The following GLI2 variants were observed in gnomAD, a reference collection of about 807,000 sequenced individuals.
GLI2 encodes the protein transcription activator GLI2.
Under a neutral mutation model 78.9 loss-of-function variants are expected in GLI2, and 22 were observed. The ratio of observed to expected loss-of-function variants is 0.28; its 90% CI spans 0.20 to 0.40. The LOEUF is 0.40. GLI2 is among the 10% of genes least tolerant of loss of function. The pLI is 1.00. For missense variants in GLI2, 2,097 were observed against 2,213.2 expected (o/e 0.95, Z 1.05); for synonymous variants, 974 against 963.7 (o/e 1.01, Z -0.20).
chr2:120,898,650 A>G (rs1385691657), intron 2 of GLI2, among the ~76,000 whole-genome samples: 2 of 152,194 alleles, frequency 1.3e-5, no homozygotes, highest in Non-Finnish European at 2.9e-5. Context: ...TTGTGGGCAC[A>G]GCGTTTTCGG....
intron 3 of GLI2, among the ~76,000 whole-genome samples, chr2:120,945,519 C>G (rs1323770830): frequency 2.6e-5 from 4 of 152,206 alleles, no homozygotes; most frequent in African/African-American, 9.6e-5. Context: ...GTGCCAGGCC[C>G]AGGATCATTC....
chr2:120,957,332 A>C (rs1180249501), intron 5 of GLI2, among the ~76,000 whole-genome samples: 1 of 152,210 alleles, frequency 6.6e-6, no homozygotes, highest in African/African-American at 2.4e-5. Flanking sequence ...TAGGACATTG[A>C]CGTCCCTCTG....
intron 2 of GLI2, among the ~76,000 whole-genome samples, chr2:120,893,049 G>A (rs1677756735): frequency 6.6e-6 from 1 of 152,198 alleles, no homozygotes; most frequent in Non-Finnish European, 1.5e-5. Context: ...ACCCCTGCCT[G>A]GCAGAGCTCC....
intron 2 of GLI2, among the ~76,000 whole-genome samples, chr2:120,821,460 G>A (rs1369432182): frequency 6.6e-6 from 1 of 152,162 alleles, no homozygotes; most frequent in Non-Finnish European, 1.5e-5. Flanking sequence ...TGAGGAGGGA[G>A]TTTGGTCTCA....
intron 1 of GLI2, among the ~76,000 whole-genome samples, chr2:120,755,694 C>A (rs1683017095): frequency 6.6e-6 from 1 of 151,878 alleles, no homozygotes; most frequent in Admixed American, 6.5e-5. Flanking sequence ...CTTATGTTTT[C>A]TTTTAAGAAG....
At chr2:120,987,925 T>C (rs1266500992) in intron 13 of GLI2, among the ~76,000 whole-genome samples, 11 of 152,198 alleles carry the variant, frequency 7.2e-5, no homozygotes, top group African/African-American at 2.7e-4. Flanking sequence ...TTCCTTCCCC[T>C]TTTTAATTGA....
At chr2:120,905,573 G>A (rs866700003) in intron 2 of GLI2, among the ~76,000 whole-genome samples, 2 of 152,212 alleles carry the variant, frequency 1.3e-5, no homozygotes, top group Admixed American at 6.5e-5. Context: ...CTCAGAGCCT[G>A]GGATGAGTTC....
chr2:120,761,996 G>T (rs1029178365), intron 1 of GLI2, among the ~76,000 whole-genome samples: 6 of 152,206 alleles, frequency 3.9e-5, no homozygotes, highest in Non-Finnish European at 7.3e-5. Flanking sequence ...TCCCAGTGCC[G>T]CTTTGCTTCA....
At chr2:120,914,859 A>G (rs1029065407) in intron 2 of GLI2, among the ~76,000 whole-genome samples, 23 of 152,346 alleles carry the variant, frequency 1.5e-4, no homozygotes, top group African/African-American at 5.3e-4. Flanking sequence ...TGAGTCAGCA[A>G]TCAAGCCAGA....
At chr2:120,859,452 CTTTT>C (rs57311162) in intron 2 of GLI2, among the ~76,000 whole-genome samples, 3 of 125,498 alleles carry the variant, frequency 2.4e-5, no homozygotes, top group African/African-American at 6.3e-5. Context: ...ATACTCCCTC[CTTTT>C]TTTTTTTTTT....
At chr2:120,984,783 C>A in intron 12 of GLI2, 40 bp downstream of exon 12, 1 of 1,604,670 alleles carries the variant, frequency 6.2e-7, no homozygotes, top group Non-Finnish European at 8.5e-7. Flanking sequence ...AAGGCGACTC[C>A]ATAGCCGTGC....
chr2:120,745,878 C>G (rs1682679593), intron 1 of GLI2, among the ~76,000 whole-genome samples: 1 of 152,186 alleles, frequency 6.6e-6, no homozygotes, highest in African/African-American at 2.4e-5. Flanking sequence ...TTCTTCTGCG[C>G]AGGCAGATAT....
At chr2:120,850,176 A>G (rs1439485877) in intron 2 of GLI2, among the ~76,000 whole-genome samples, 1 of 152,234 alleles carries the variant, frequency 6.6e-6, no homozygotes, top group Non-Finnish European at 1.5e-5. Flanking sequence ...AAATCTTCAC[A>G]TTAAAACATC....
intron 3 of GLI2, among the ~76,000 whole-genome samples, chr2:120,933,840 AGCCCTGCCCTGCCCTGCCCT>A (rs56996797): frequency 0.045 from 6,237 of 137,874 alleles, 164 homozygotes; most frequent in African/African-American, 0.085. Context: ...GGACCTTTCC[AGCCCTGCCCTGCCCTGCCCT>A]GCCCTGCCCT....
intron 10 of GLI2, among the ~76,000 whole-genome samples, chr2:120,982,111 G>A (rs557895258): frequency 6.6e-6 from 1 of 152,282 alleles, no homozygotes; most frequent in South Asian, 2.1e-4. Context: ...GCCAGGAACC[G>A]GATTGGGTGG....
intron 2 of GLI2, among the ~76,000 whole-genome samples, chr2:120,854,000 C>T (rs182009846): frequency 1.3e-5 from 2 of 151,896 alleles, no homozygotes; most frequent in East Asian, 3.9e-4. Flanking sequence ...ATTTTTGTCT[C>T]CTCCTTCATT....
At chr2:120,832,736 T>C (rs1686423947) in intron 2 of GLI2, among the ~76,000 whole-genome samples, 1 of 152,136 alleles carries the variant, frequency 6.6e-6, no homozygotes, top group South Asian at 2.1e-4. Context: ...GCTCTTTCCC[T>C]GCAGGCTGTG....
At chr2:120,893,804 T>C (rs1434119112) in intron 2 of GLI2, among the ~76,000 whole-genome samples, 1 of 152,192 alleles carries the variant, frequency 6.6e-6, no homozygotes, top group Non-Finnish European at 1.5e-5. Context: ...AGCGGATGGT[T>C]TTCTGGGTCT....
At chr2:120,845,070 C>T (rs757180975) in intron 2 of GLI2, among the ~76,000 whole-genome samples, 2 of 151,948 alleles carry the variant, frequency 1.3e-5, no homozygotes, top group Non-Finnish European at 2.9e-5. Flanking sequence ...GTCAGGAGTT[C>T]GAGACCAGTC....
Sources: gnomAD v4.1 joint callset for allele counts (sites outside exome capture counted in the v4.1 genomes callset) on GRCh38, gnomAD v4.1.1 for gene constraint, MANE v1.5 for transcripts, NCBI Gene and HGNC (gene_info 2026-07-23, HGNC 2026-07-21) for gene names.